AJAP1: variants seen among roughly 807,000 people sequenced by gnomAD.
The protein encoded by AJAP1 is adherens junction-associated protein 1.
In AJAP1, 5 loss-of-function variants were observed where a neutral mutation model predicts 35.0. That is an observed-to-expected ratio of 0.14 (90% confidence interval 0.07 to 0.30). The LOEUF is 0.30. Among genes scored for constraint, AJAP1 ranks in the 10% least tolerant of loss-of-function variants. The probability of loss-of-function intolerance (pLI) is 1.00; values close to 1 mark genes in which losing one functional copy is unlikely to be tolerated. For missense variants in AJAP1, 586 were observed against 571.0 expected, an observed-to-expected ratio of 1.03 and a Z score of -0.27; for synonymous variants, 284 against 249.3, an observed-to-expected ratio of 1.14 and a Z score of -1.31.
At chr1:4,724,879 G>A (rs548681613) in intron 2 of AJAP1, among the ~76,000 whole-genome samples, 68 of 152,356 alleles carry the variant, frequency 4.5e-4, no homozygotes, top group African/African-American at 1.5e-3. Flanking sequence ...ACAATGTGCC[G>A]TGCTTTTAAA....
chr1:4,749,436 G>A (rs1024258507), intron 2 of AJAP1, among the ~76,000 whole-genome samples: 1 of 152,214 alleles, frequency 6.6e-6, no homozygotes, highest in Non-Finnish European at 1.5e-5. Flanking sequence ...GACACGAGAC[G>A]CTATGGCCCC....
At chr1:4,666,055 G>A (rs1368342960) in intron 1 of AJAP1, among the ~76,000 whole-genome samples, 2 of 152,092 alleles carry the variant, frequency 1.3e-5, no homozygotes, top group African/African-American at 4.8e-5. Context: ...GGGATGTGGA[G>A]GCACCCCGCA....
In AJAP1 at chr1:4,723,452, T is replaced by A. The variant is rs1384093671; in HGVS notation, c.829+10753T>A. ...GAGCGGGGACTGCAAGAGGGGAGAATGAAGGGGCAATTGGGGGTGATAAGG... is the reference window on the plus strand; with the variant it reads ...GAGCGGGGACTGCAAGAGGGGAGAAAGAAGGGGCAATTGGGGGTGATAAGG... On this transcript the variant is annotated intron_variant, in intron 2 of 5. Transcript: ENST00000378191. This position sits in a 1 kb window ranked among gnomAD's most constrained non-coding sequence, Gnocchi z 4.3. 6.6e-6 allele frequency among the ~76,000 whole-genome samples: 1 copy of A among 151,632 alleles called. No individual in the cohort carries two copies. The highest frequency in any genetic ancestry group is 2.4e-5 in the African/African-American group (1 of 41,260).
At chr1:4,687,652 C>T (rs548028441) in intron 1 of AJAP1, among the ~76,000 whole-genome samples, 17 of 152,196 alleles carry the variant, frequency 1.1e-4, no homozygotes, top group Non-Finnish European at 2.2e-4. Flanking sequence ...ACTCGAGCCA[C>T]AGCTGTTCAG....
At chr1:4,686,395 A>G (rs1639605726) in intron 1 of AJAP1, among the ~76,000 whole-genome samples, 1 of 152,160 alleles carries the variant, frequency 6.6e-6, no homozygotes, top group Non-Finnish European at 1.5e-5. Flanking sequence ...GCTGGGTTGC[A>G]GAGGGCTGGG....
At position 4,711,987 on chromosome 1, in the gene AJAP1, C is replaced by T. The variant is rs372616300; in HGVS notation, c.117C>T (p.Pro39=). The T allele has an allele frequency of 1.3e-5, 20 of 1,592,990 alleles. No individual in the cohort carries two copies. The highest frequency in any genetic ancestry group is 5.3e-5 in the Admixed American group (3 of 56,822). ...IAMFQLAVDL[P]ACEALGPGPE... is the part of the protein sequence containing the mutation. ...TGTTTCAGCTCGCCGTGGACCTGCC[C>T]GCCTGTGAGGCCCTGGGCCCGGGGC... The change falls in exon 2 of 6, where the codon CCC becomes CCT. Residue 39 remains proline (P), a synonymous_variant. Coordinates refer to ENST00000378191, the MANE Select transcript of AJAP1 (RefSeq NM_018836.4).
Position 4,655,585 on chromosome 1 carries a change from C to A in AJAP1, c.29+131C>A. The A allele has an allele frequency of 2.5e-6, 3 of 1,187,736 alleles. No individual in the cohort carries two copies. Among genetic ancestry groups the A allele is most frequent in the Admixed American group, 3.0e-5 (1 of 33,336 alleles). 73.6% of individuals were successfully genotyped at this position (1,187,736 alleles called of 1,614,324 possible). On this transcript the variant is annotated intron_variant, in intron 1 of 5. Coordinates refer to ENST00000378191, the MANE Select transcript of AJAP1 (RefSeq NM_018836.4). This position sits in a 1 kb window ranked among gnomAD's most constrained non-coding sequence, Gnocchi z 6.9. The stretch of plus-strand genomic sequence containing the variant: ...CCCGCAAGCGGGCAACGGGGTGCAC[C>A]GGTAGCCGGAAAGGGGCGCCCGCCC...
At chr1:4,769,788 C>T (rs1641794212) in intron 2 of AJAP1, 65 bp from the exon 3 acceptor site, 1 of 1,428,560 alleles carries the variant, frequency 7.0e-7, no homozygotes, top group Non-Finnish European at 9.9e-7. Flanking sequence ...TCCACCTTTC[C>T]CGGCCCCCCT....
chr1:4,720,190 C>T lies in AJAP1; in HGVS notation c.829+7491C>T, dbSNP rs114881261. ...TCAGCCAAATTCAGAGGCAGACGAA[C>T]GAGTAATGGACCCATGTGCCACGTG... is the stretch of plus-strand genomic sequence containing the variant. On this transcript the variant is annotated intron_variant, in intron 2 of 5. Coordinates refer to ENST00000378191, the MANE Select transcript of AJAP1 (RefSeq NM_018836.4). The surrounding 1 kb of genome is among the most constrained non-coding windows in gnomAD (Gnocchi z 4.4). Among the ~76,000 whole-genome samples, 1,420 of 152,250 alleles carry T rather than the reference C, an allele frequency of 9.3e-3. 25 individuals carry two copies. The highest frequency in any genetic ancestry group is 0.032 in the African/African-American group (1,323 of 41,528).
rs1642213024 is a variant in AJAP1 at position 4,789,033 on chromosome 1, A to G, written c.*6548A>G. 1 of 152,186 alleles carries G rather than the reference A, an allele frequency of 6.6e-6. No homozygotes were observed. Among genetic ancestry groups the G allele is most frequent in the Non-Finnish European group, 1.5e-5 (1 of 68,050 alleles). 9.4% of individuals were successfully genotyped at this position (152,186 alleles called of 1,614,324 possible). The stretch of plus-strand genomic sequence containing the variant: ...AGGATTCCCTGCTAAATGTTCTAAG[A>G]GTTACTGTACATAGAATCAAGAGAG... On this transcript the variant is annotated 3_prime_UTR_variant, in exon 6 of 6. Coordinates refer to ENST00000378191, the MANE Select transcript of AJAP1 (RefSeq NM_018836.4). This position sits in a 1 kb window ranked among gnomAD's most constrained non-coding sequence, Gnocchi z 4.4.
At position 4,744,937 on chromosome 1, in the gene AJAP1, C is replaced by T. The variant is rs574790087; in HGVS notation, c.830-24916C>T. On this transcript the variant is annotated intron_variant, in intron 2 of 5. Coordinates refer to ENST00000378191, the MANE Select transcript of AJAP1 (RefSeq NM_018836.4). Reference sequence around the variant, plus strand: ...AGGCAGACCTAATAGGGCCCGGATTCGGGGCTGGGAGGCTCCTGAGGGGCC... The same window carrying T: ...AGGCAGACCTAATAGGGCCCGGATTTGGGGCTGGGAGGCTCCTGAGGGGCC... Among the ~76,000 whole-genome samples the T allele has an allele frequency of 1.1e-4, 17 of 152,144 alleles. No individual in the cohort carries two copies. In the South Asian group the frequency reaches 2.9e-3, roughly 26 times the overall value.
In AJAP1 at chr1:4,690,929, C is replaced by T. The variant is rs569582270; in HGVS notation, c.30-20971C>T. Among the ~76,000 whole-genome samples the T allele has an allele frequency of 4.6e-5, 7 of 152,324 alleles. No individual in the cohort carries two copies. In the South Asian group the frequency reaches 1.2e-3, roughly 27 times the overall value. On this transcript the variant is annotated intron_variant, in intron 1 of 5. Coordinates refer to ENST00000378191, the MANE Select transcript of AJAP1 (RefSeq NM_018836.4). ...TGGGTCATTGGCCTGGGTCTGACTCCTATCCCCTGTGCTGGACTCAGCCTC... is the reference window on the plus strand; with the variant it reads ...TGGGTCATTGGCCTGGGTCTGACTCTTATCCCCTGTGCTGGACTCAGCCTC...
chr1:4,711,411 G>T (rs1027772895), intron 1 of AJAP1, among the ~76,000 whole-genome samples: 1 of 152,212 alleles, frequency 6.6e-6, no homozygotes, highest in Non-Finnish European at 1.5e-5. Flanking sequence ...GCGGGGGGTG[G>T]CCTGGGCTAT....
At chr1:4,710,386 T>C (rs4654594) in intron 1 of AJAP1, among the ~76,000 whole-genome samples, 84,351 of 151,944 alleles carry the variant, frequency 0.56, 23,612 homozygotes, top group South Asian at 0.72. Context: ...CACTCATGTA[T>C]GCTGGCTCAC....
intron 2 of AJAP1, among the ~76,000 whole-genome samples, chr1:4,754,960 G>A (rs1317239053): frequency 1.3e-5 from 2 of 152,170 alleles, no homozygotes; most frequent in African/African-American, 4.8e-5. Context: ...AAGATGCAGG[G>A]AGATCAGCCC....
chr1:4,678,717 C>G (rs564141524), intron 1 of AJAP1, among the ~76,000 whole-genome samples: 1 of 152,220 alleles, frequency 6.6e-6, no homozygotes, highest in Non-Finnish European at 1.5e-5. Context: ...GTCCCACCCA[C>G]ACTCGAGGGA....
At chr1:4,702,631 T>C (rs1487699995) in intron 1 of AJAP1, among the ~76,000 whole-genome samples, 1 of 152,122 alleles carries the variant, frequency 6.6e-6, no homozygotes, top group Non-Finnish European at 1.5e-5. Flanking sequence ...GTCCTGGGGC[T>C]CCCGGTGAGG....
At position 4,790,725 on chromosome 1, in the gene AJAP1, G is replaced by A. The variant is rs1642234742; in HGVS notation, c.*8240G>A. The A allele has an allele frequency of 6.6e-6, 1 of 152,194 alleles. No individual in the cohort carries two copies. Among genetic ancestry groups the A allele is most frequent in the African/African-American group, 2.4e-5 (1 of 41,448 alleles). The allele number at this position is 152,194 out of a possible 1,614,324, so 9.4% of individuals were successfully genotyped here. On this transcript the variant is annotated 3_prime_UTR_variant, in exon 6 of 6. Coordinates refer to ENST00000378191, the MANE Select transcript of AJAP1 (RefSeq NM_018836.4). ...TAAAGATGAATTCCCAGCCTGAGGT[G>A]ACACACAGAGGTTCAGCAGACGTCT...
chr1:4,716,383 A>G (rs1396423288), intron 2 of AJAP1, among the ~76,000 whole-genome samples: 2 of 152,204 alleles, frequency 1.3e-5, no homozygotes, highest in African/African-American at 2.4e-5. Context: ...AGAGTTAACC[A>G]TCTCATAATG....
Sources: allele counts gnomAD v4.1 joint callset (sites outside exome capture counted in the v4.1 genomes callset), GRCh38; gene constraint gnomAD v4.1.1; non-coding constraint Gnocchi (gnomAD v3.1); transcripts MANE v1.5; gene names NCBI Gene and HGNC (gene_info 2026-07-23, HGNC 2026-07-21).